Variants in C12orf50 observed in about 807,000 individuals in gnomAD.
C12orf50 encodes uncharacterized protein C12orf50.
A neutral mutation model predicts 61.6 loss-of-function variants in C12orf50; 35 were observed. The ratio of observed to expected loss-of-function variants is 0.57; its 90% CI spans 0.43 to 0.75. The LOEUF (loss-of-function observed/expected upper bound fraction) is 0.75. Ranked by LOEUF, C12orf50 falls within the 30% of genes least tolerant of loss-of-function variation. The probability of loss-of-function intolerance (pLI) is 0.00; values close to 1 mark genes in which losing one functional copy is unlikely to be tolerated. For synonymous variants in C12orf50, 178 were observed against 161.5 expected (o/e 1.10, Z -0.77); for missense variants, 475 against 488.5 (o/e 0.97, Z 0.26).
intron 3 of C12orf50, among the ~76,000 whole-genome samples, chr12:87,999,367 T>G (rs950111809): frequency 1.3e-5 from 2 of 152,012 alleles, no homozygotes; most frequent in African/African-American, 4.8e-5. Context: ...TAAGGCTGCA[T>G]TTAGCCGAGA....
chr12:88,000,423 C>T (rs2031606183), intron 3 of C12orf50, among the ~76,000 whole-genome samples: 1 of 152,008 alleles, frequency 6.6e-6, no homozygotes, highest in South Asian at 2.1e-4. Flanking sequence ...TCCATATAGT[C>T]TTGATTACTT....
chr12:88,006,269 A>G (rs1435578113), intron 3 of C12orf50, among the ~76,000 whole-genome samples: 2 of 152,084 alleles, frequency 1.3e-5, no homozygotes, highest in African/African-American at 4.8e-5. Context: ...GTAAACTTCT[A>G]GCTGGTTTAC....
At chr12:88,005,913 T>G (rs1038291107) in intron 3 of C12orf50, among the ~76,000 whole-genome samples, 4 of 95,384 alleles carry the variant, frequency 4.2e-5, no homozygotes, top group African/African-American at 2.0e-4. Flanking sequence ...GTTTTTTTGG[T>G]TTTTTTTTTT....
upstream of C12orf50, among the ~76,000 whole-genome samples, chr12:88,029,573 C>T (rs1200130794): frequency 6.6e-6 from 1 of 152,016 alleles, no homozygotes; most frequent in Admixed American, 6.6e-5. Flanking sequence ...AATAAAATAG[C>T]ATACTTTAAT....
At chr12:87,988,133 G>A (rs551002912) in intron 8 of C12orf50, among the ~76,000 whole-genome samples, 167 bp from the exon 9 acceptor site, 46 of 152,074 alleles carry the variant, frequency 3.0e-4, no homozygotes, top group African/African-American at 8.9e-4. Flanking sequence ...TAGTTGCCAC[G>A]TGGATTTCAA....
intron 3 of C12orf50, among the ~76,000 whole-genome samples, chr12:88,024,974 G>A (rs1037312002): frequency 3.3e-5 from 5 of 152,072 alleles, no homozygotes; most frequent in Admixed American, 6.6e-5. Context: ...ATTTGCATGG[G>A]ATTAAGAAAG....
intron 3 of C12orf50, among the ~76,000 whole-genome samples, chr12:88,025,011 AT>A (rs1309186661): frequency 6.6e-6 from 1 of 152,202 alleles, no homozygotes; most frequent in Non-Finnish European, 1.5e-5. Context: ...GGTGACAGCA[AT>A]AATAAATAAC....
At chr12:88,014,952 C>A (rs915496464) in intron 3 of C12orf50, among the ~76,000 whole-genome samples, 7 of 152,140 alleles carry the variant, frequency 4.6e-5, no homozygotes, top group Non-Finnish European at 7.4e-5. Context: ...ACATGACTAA[C>A]AAATGTTAAG....
At chr12:88,017,079 G>A (rs1203772983) in intron 3 of C12orf50, among the ~76,000 whole-genome samples, 2 of 152,242 alleles carry the variant, frequency 1.3e-5, no homozygotes, top group African/African-American at 4.8e-5. Context: ...GGAAAAGCAA[G>A]TATACAGTAT....
intron 11 of C12orf50, 141 bp downstream of exon 11, chr12:87,985,709 C>T (rs1262403831): frequency 2.6e-6 from 2 of 775,574 alleles, no homozygotes; most frequent in East Asian, 2.6e-5. Context: ...GGAAGAAATC[C>T]TCTCACTAGT....
chr12:88,007,107 T>TAGAAAC lies in C12orf50; in HGVS notation c.134-8918_134-8917insGTTTCT, dbSNP rs1209499067. On this transcript the variant is annotated intron_variant, in intron 3 of 12. Transcript: ENST00000298699. ...CTTCGCAACATCATTCTGAAAGTAA[T>TAGAAAC]CTAGTCATCACAATTTTTTAAATGC... 4.6e-5 allele frequency among the ~76,000 whole-genome samples: 7 copies of TAGAAAC among 152,310 alleles called. 1 individual carries two copies. The highest frequency in any genetic ancestry group is 1.7e-4 in the African/African-American group (7 of 41,572).
chr12:88,020,222 C>T (rs2032463794), intron 3 of C12orf50, among the ~76,000 whole-genome samples: 1 of 152,102 alleles, frequency 6.6e-6, no homozygotes, highest in Admixed American at 6.6e-5. Flanking sequence ...GCTAAATGCA[C>T]CAATTAAAAG....
intron 3 of C12orf50, among the ~76,000 whole-genome samples, chr12:88,018,280 G>A (rs566563547): frequency 9.9e-5 from 15 of 152,206 alleles, no homozygotes; most frequent in Non-Finnish European, 1.9e-4. Flanking sequence ...AGCTCAGGCC[G>A]TGGTTTCAGA....
Position 87,994,828 on chromosome 12 carries a change from A to C in C12orf50, c.482-85T>G. 3 of 824,750 alleles carry C rather than the reference A, an allele frequency of 3.6e-6. No homozygotes were observed. The South Asian group carries it at 4.9e-5, about 13-fold the overall frequency. The allele number at this position is 824,750 out of a possible 1,614,324, so 51.1% of individuals were successfully genotyped here. On this transcript the variant is annotated intron_variant, in intron 6 of 12. Coordinates refer to ENST00000298699, the MANE Select transcript of C12orf50 (RefSeq NM_152589.3). ...TTATGATAGAATGCATGATGAAAGTAAAAAAGCTTTAAAGTTAATGCAAGT... is the reference window on the plus strand; with the variant it reads ...TTATGATAGAATGCATGATGAAAGTCAAAAAGCTTTAAAGTTAATGCAAGT...
At chr12:87,982,427 C>G (rs191653290) in intron 12 of C12orf50, among the ~76,000 whole-genome samples, 6 of 152,278 alleles carry the variant, frequency 3.9e-5, no homozygotes, top group African/African-American at 1.4e-4. Context: ...AGTTCCCTAA[C>G]TGGAAATTTT....
chr12:87,997,772 T>C (rs1428439764), intron 4 of C12orf50, among the ~76,000 whole-genome samples: 1 of 152,222 alleles, frequency 6.6e-6, no homozygotes, highest in Non-Finnish European at 1.5e-5. Flanking sequence ...TAGTATTCCA[T>C]GGTGTATATG....
chr12:88,021,013 A>T (rs1298649773), intron 3 of C12orf50, among the ~76,000 whole-genome samples: 2 of 152,184 alleles, frequency 1.3e-5, no homozygotes, highest in Non-Finnish European at 2.9e-5. Context: ...AACATACCAG[A>T]TTCTCTGAGA....
chr12:88,020,384 G>C (rs976042643), intron 3 of C12orf50, among the ~76,000 whole-genome samples: 1 of 151,930 alleles, frequency 6.6e-6, no homozygotes, highest in African/African-American at 2.4e-5. Context: ...AAAATATCAG[G>C]GGTTGCAATC....
At chr12:87,989,456 C>T (rs2031016552) in intron 7 of C12orf50, 85 bp from the exon 8 acceptor site, 1 of 898,564 alleles carries the variant, frequency 1.1e-6, no homozygotes, top group African/African-American at 1.7e-5. Flanking sequence ...TTCTACAATA[C>T]CCCTTTTGTT....
Sources: gnomAD v4.1 joint callset for allele counts (sites outside exome capture counted in the v4.1 genomes callset) on GRCh38, gnomAD v4.1.1 for gene constraint, MANE v1.5 for transcripts, NCBI Gene and HGNC (gene_info 2026-07-23, HGNC 2026-07-21) for gene names.